Variants in FHIT observed in about 807,000 individuals in gnomAD.
The protein encoded by FHIT is bis(5'-adenosyl)-triphosphatase.
In FHIT, 19 loss-of-function variants were observed where a neutral mutation model predicts 17.9. The observed-to-expected ratio is 1.06, with a 90% CI of 0.74 to 1.56. FHIT has a LOEUF of 1.56. Among genes scored for constraint, FHIT ranks in the 40% most tolerant of loss-of-function variants. FHIT has a pLI of 0.00. For synonymous variants in FHIT, 81 were observed against 69.7 expected, an observed-to-expected ratio of 1.16 and a Z score of -0.81; for missense variants, 248 against 189.2, an observed-to-expected ratio of 1.31 and a Z score of -1.82.
At chr3:60,492,453 T>A (rs17063320) in intron 5 of FHIT, among the ~76,000 whole-genome samples, 1,541 of 152,166 alleles carry the variant, frequency 0.01, 18 homozygotes, top group East Asian at 0.051. Flanking sequence ...GTGCAAGAAT[T>A]GGCTTCATAA....
intron 5 of FHIT, among the ~76,000 whole-genome samples, chr3:60,172,659 G>A (rs1242328234): frequency 6.6e-6 from 1 of 152,112 alleles, no homozygotes; most frequent in Non-Finnish European, 1.5e-5. Flanking sequence ...AGAACAGCAG[G>A]AACAGAGACC....
intron 3 of FHIT, among the ~76,000 whole-genome samples, chr3:61,024,118 G>C (rs2032606076): frequency 6.6e-6 from 1 of 151,992 alleles, no homozygotes; most frequent in Non-Finnish European, 1.5e-5. Context: ...AAGCAGAAGA[G>C]CTTCTGCTAC....
At chr3:60,157,526 T>C (rs1276531885) in intron 5 of FHIT, among the ~76,000 whole-genome samples, 1 of 152,254 alleles carries the variant, frequency 6.6e-6, no homozygotes, top group East Asian at 1.9e-4. Flanking sequence ...CCAAGCAGTC[T>C]GGTGTGGGAC....
chr3:60,841,927 G>C (rs140302033), intron 3 of FHIT, among the ~76,000 whole-genome samples: 4 of 152,318 alleles, frequency 2.6e-5, no homozygotes, highest in African/African-American at 9.6e-5. Context: ...TAGGCAGGCT[G>C]TATGTCAGGA....
At chr3:60,216,432 T>G (rs1703702035) in intron 5 of FHIT, among the ~76,000 whole-genome samples, 1 of 152,204 alleles carries the variant, frequency 6.6e-6, no homozygotes, top group African/African-American at 2.4e-5. Flanking sequence ...TTTATTTCAT[T>G]ACCTGTCTGA....
chr3:60,556,923 C>T (rs903218026), intron 4 of FHIT, among the ~76,000 whole-genome samples: 1 of 152,188 alleles, frequency 6.6e-6, no homozygotes, highest in Non-Finnish European at 1.5e-5. Context: ...TTTCTGAAAA[C>T]AGGACTTGGA....
intron 5 of FHIT, among the ~76,000 whole-genome samples, chr3:60,475,738 C>T (rs1238163913): frequency 6.6e-6 from 1 of 152,198 alleles, no homozygotes; most frequent in Non-Finnish European, 1.5e-5. Flanking sequence ...ATCTGAAATG[C>T]TCCCAAATCT....
intron 2 of FHIT, among the ~76,000 whole-genome samples, chr3:61,065,848 G>C (rs933248035): frequency 1.3e-5 from 2 of 152,058 alleles, no homozygotes; most frequent in Non-Finnish European, 2.9e-5. Context: ...TGACATGGCA[G>C]TTCTACAGAC....
At chr3:61,141,652 G>A (rs1182547663) in intron 2 of FHIT, among the ~76,000 whole-genome samples, 1 of 151,440 alleles carries the variant, frequency 6.6e-6, no homozygotes, top group Non-Finnish European at 1.5e-5. Flanking sequence ...GGGTTGGGTT[G>A]AGGAAGGAGA....
chr3:60,584,470 G>A lies in FHIT; in HGVS notation c.-17-47491C>T, dbSNP rs539491988. ...CAGGGAAAGGAAAGAATTTCCCCAA[G>A]TAATAAACAAATGTATTTAGGATTA... is the stretch of plus-strand genomic sequence containing the variant. On this transcript the variant is annotated intron_variant, in intron 4 of 9. Coordinates refer to ENST00000492590, the MANE Select transcript of FHIT (RefSeq NM_002012.4). 1.1e-3 allele frequency among the ~76,000 whole-genome samples: 161 copies of A among 151,998 alleles called. 1 individual carries two copies. The South Asian group carries it at 0.016, about 15-fold the overall frequency.
chr3:59,869,057 A>C (rs967678173), intron 8 of FHIT, among the ~76,000 whole-genome samples: 1 of 152,198 alleles, frequency 6.6e-6, no homozygotes, highest in Non-Finnish European at 1.5e-5. Flanking sequence ...TATGAAATGT[A>C]GGAGAACGGT....
intron 7 of FHIT, among the ~76,000 whole-genome samples, chr3:60,007,389 T>C (rs1453983912): frequency 2.0e-5 from 3 of 152,228 alleles, no homozygotes; most frequent in Non-Finnish European, 2.9e-5. Context: ...TATTGCTGAC[T>C]GCATGCTGGA....
At chr3:60,368,909 T>C (rs1465974642) in intron 5 of FHIT, among the ~76,000 whole-genome samples, 1 of 152,170 alleles carries the variant, frequency 6.6e-6, no homozygotes, top group Non-Finnish European at 1.5e-5. Context: ...ACTGACCTTT[T>C]AGCATGCAGA....
At chr3:60,783,839 A>G (rs1700474877) in intron 4 of FHIT, among the ~76,000 whole-genome samples, 1 of 152,192 alleles carries the variant, frequency 6.6e-6, no homozygotes, top group Non-Finnish European at 1.5e-5. Flanking sequence ...AAACAAGGCA[A>G]GGGCTCAGAA....
chr3:60,715,051 T>C (rs1222804146), intron 4 of FHIT, among the ~76,000 whole-genome samples: 1 of 152,150 alleles, frequency 6.6e-6, no homozygotes, highest in East Asian at 1.9e-4. Context: ...AAGGCTACAG[T>C]AACCAAAACA....
At chr3:60,292,899 A>G (rs1326319780) in intron 5 of FHIT, among the ~76,000 whole-genome samples, 1 of 152,138 alleles carries the variant, frequency 6.6e-6, no homozygotes, top group Non-Finnish European at 1.5e-5. Flanking sequence ...AAAAACATTC[A>G]CCAAACTAGA....
intron 3 of FHIT, among the ~76,000 whole-genome samples, chr3:60,921,897 A>G (rs1707307440): frequency 6.6e-6 from 1 of 152,184 alleles, no homozygotes; most frequent in Admixed American, 6.5e-5. Flanking sequence ...ATCACAGTGT[A>G]ATAATAGTAA....
intron 5 of FHIT, among the ~76,000 whole-genome samples, chr3:60,342,649 G>A (rs1162652050): frequency 6.6e-6 from 1 of 152,128 alleles, no homozygotes; most frequent in African/African-American, 2.4e-5. Context: ...AAGCAACATG[G>A]AACACAGAAA....
intron 5 of FHIT, among the ~76,000 whole-genome samples, chr3:60,440,791 T>C (rs573543888): frequency 2.0e-5 from 3 of 152,216 alleles, no homozygotes; most frequent in African/African-American, 7.2e-5. Context: ...TTTAATAAAG[T>C]AGACTCTTTC....
Sources: allele counts gnomAD v4.1 joint callset (sites outside exome capture counted in the v4.1 genomes callset), GRCh38; gene constraint gnomAD v4.1.1; transcripts MANE v1.5; gene names NCBI Gene and HGNC (gene_info 2026-07-23, HGNC 2026-07-21).